PKP4: variants seen among roughly 807,000 people sequenced by gnomAD.
PKP4 encodes plakophilin 4.
In PKP4, 90 loss-of-function variants were observed where a neutral mutation model predicts 145.1. That is an observed-to-expected ratio of 0.62 (90% CI 0.52 to 0.74). The LOEUF (loss-of-function observed/expected upper bound fraction) is 0.74, where lower values mean the gene tolerates loss of function less well. Ranked by LOEUF, PKP4 falls within the 30% of genes least tolerant of loss-of-function variation. The pLI is 0.00. For missense variants in PKP4, 1,340 were observed against 1,482.7 expected, an observed-to-expected ratio of 0.90 and a Z score of 1.58; for synonymous variants, 563 against 577.2, an observed-to-expected ratio of 0.98 and a Z score of 0.35.
chr2:158,501,432 A>G (rs1180318060), intron 1 of PKP4, among the ~76,000 whole-genome samples: 1 of 152,202 alleles, frequency 6.6e-6, no homozygotes, highest in Non-Finnish European at 1.5e-5. Flanking sequence ...CAGATGCCAC[A>G]TTACTCAAAG....
chr2:158,475,256 G>C (rs1348768248), intron 1 of PKP4, among the ~76,000 whole-genome samples: 1 of 152,048 alleles, frequency 6.6e-6, no homozygotes, highest in Non-Finnish European at 1.5e-5. Flanking sequence ...CTTTTTATTA[G>C]AGTTTTATTA....
At chr2:158,594,232 G>A (rs918495381) in intron 3 of PKP4, among the ~76,000 whole-genome samples, 19 of 152,080 alleles carry the variant, frequency 1.2e-4, no homozygotes, top group African/African-American at 4.3e-4. Flanking sequence ...GTTGCTGATG[G>A]GTCAGGAACA....
chr2:158,652,798 TGTTAGCCACTGGTCATGACAC>T (rs1368797779), intron 11 of PKP4, among the ~76,000 whole-genome samples: 1 of 152,194 alleles, frequency 6.6e-6, no homozygotes, highest in Non-Finnish European at 1.5e-5. Context: ...TGCACAGTCC[TGTTAGCCACTGGTCATGACAC>T]TTGCTTTGTA....
chr2:158,532,915 T>C (rs1165319194), intron 1 of PKP4, among the ~76,000 whole-genome samples: 1 of 152,236 alleles, frequency 6.6e-6, no homozygotes, highest in Non-Finnish European at 1.5e-5. Flanking sequence ...TCATGTCAGT[T>C]AACATTTGTA....
At position 158,631,745 on chromosome 2, in the gene PKP4, G is replaced by T. The variant is rs764969406; in HGVS notation, c.1154-8G>T. The T allele has an allele frequency of 7.4e-6, 12 of 1,611,778 alleles. No homozygotes were observed. The South Asian group carries it at 1.3e-4, about 18-fold the overall frequency. ...CAGTTCTTAACGATGTAATTTTTGT[G>T]CCTCTAGGCTTACGGAGTTCCTATG... On this transcript the variant is annotated splice_polypyrimidine_tract_variant and splice_region_variant and intron_variant, in intron 7 of 21. Transcript: ENST00000389759.
In PKP4 at chr2:158,621,108, C is replaced by T; in HGVS notation, c.399C>T (p.Leu133=). 6.2e-7 allele frequency: 1 copy of T among 1,614,162 alleles called. No homozygotes were observed. Among genetic ancestry groups the T allele is most frequent in the Non-Finnish European group, 8.5e-7 (1 of 1,180,016 alleles). ...TCTATTCACCAGAACAGACATCTCTCCATGAAAGTGAGGGTCTGTTGTGTT... is the reference window on the plus strand; with the variant it reads ...TCTATTCACCAGAACAGACATCTCTTCATGAAAGTGAGGGTCTGTTGTGTT... The part of the protein sequence containing the change: ...GTLYSPEQTS[L]HESEGSLGNS... The change falls in exon 5 of 22, where the codon CTC becomes CTT. Residue 133 remains leucine, a synonymous_variant. Coordinates refer to ENST00000389759, the MANE Select transcript of PKP4 (RefSeq NM_003628.6).
At chr2:158,659,015 A>G in intron 12 of PKP4, 1 of 152,292 alleles carries the variant, frequency 6.6e-6, no homozygotes, top group Non-Finnish European at 1.5e-5. Context: ...AATAGGGATG[A>G]TAATACCACC....
intron 17 of PKP4, among the ~76,000 whole-genome samples, chr2:158,671,021 C>G (rs1313746501): frequency 6.6e-6 from 1 of 152,146 alleles, no homozygotes; most frequent in Non-Finnish European, 1.5e-5. Context: ...CTGCTTTGCT[C>G]TCTCCATAGC....
At chr2:158,515,236 A>C (rs2041838583) in intron 1 of PKP4, among the ~76,000 whole-genome samples, 1 of 152,192 alleles carries the variant, frequency 6.6e-6, no homozygotes, top group Non-Finnish European at 1.5e-5. Flanking sequence ...AATAAGCATG[A>C]AAAAACAGCT....
In PKP4 at chr2:158,642,717, T is replaced by C. The variant is rs1184968253; in HGVS notation, c.1909+18T>C. On this transcript the variant is annotated intron_variant, in intron 11 of 21. Transcript: ENST00000389759. ...TGTTACAGGTAGGTATAGAATGTGA[T>C]CTCGTCCTAGAGGAAATGTTGAAAA... The C allele has an allele frequency of 6.5e-7, 1 of 1,547,934 alleles. No individual in the cohort carries two copies. The highest frequency in any genetic ancestry group is 8.8e-7 in the Non-Finnish European group (1 of 1,134,884).
intron 16 of PKP4, among the ~76,000 whole-genome samples, chr2:158,668,409 A>G (rs936243991): frequency 6.6e-6 from 1 of 152,142 alleles, no homozygotes; most frequent in African/African-American, 2.4e-5. Flanking sequence ...ATTTTTCACA[A>G]AGAAGCAAAG....
At chr2:158,507,610 C>G (rs1298586573) in intron 1 of PKP4, among the ~76,000 whole-genome samples, 1 of 152,128 alleles carries the variant, frequency 6.6e-6, no homozygotes, top group East Asian at 1.9e-4. Context: ...GGACTCTTGA[C>G]TTCTTGGTTT....
chr2:158,577,612 T>C, intron 3 of PKP4, among the ~76,000 whole-genome samples: 1 of 152,242 alleles, frequency 6.6e-6, no homozygotes, highest in East Asian at 1.9e-4. Flanking sequence ...CAAAAGCTAC[T>C]GTGCTGCCTT....
chr2:158,624,120 T>G (rs988650400), intron 6 of PKP4, among the ~76,000 whole-genome samples: 2 of 152,222 alleles, frequency 1.3e-5, no homozygotes, highest in African/African-American at 4.8e-5. Context: ...GGGGTGCCTT[T>G]TTTTTGCATC....
chr2:158,669,533 A>G (rs748575618), intron 16 of PKP4, 187 bp from the exon 17 acceptor site: 4 of 411,720 alleles, frequency 9.7e-6, no homozygotes, highest in Non-Finnish European at 1.7e-5. Flanking sequence ...CGTTGCAATA[A>G]ATGTTAGCTT....
chr2:158,509,861 C>T (rs1299957753), intron 1 of PKP4, among the ~76,000 whole-genome samples: 4 of 151,640 alleles, frequency 2.6e-5, no homozygotes, highest in Non-Finnish European at 5.9e-5. Flanking sequence ...GGAGGAGAAT[C>T]GCTTGAACCC....
At chr2:158,571,351 T>A (rs2105766618) in intron 2 of PKP4, among the ~76,000 whole-genome samples, 1 of 152,324 alleles carries the variant, frequency 6.6e-6, no homozygotes, top group Middle Eastern at 3.4e-3. Context: ...GTAAGGGGGC[T>A]ATGGTTGCGG....
chr2:158,622,030 G>A lies in PKP4; in HGVS notation c.603+609G>A, dbSNP rs10192695. Among the ~76,000 whole-genome samples, 1,181 of 152,200 alleles carry A rather than the reference G, an allele frequency of 7.8e-3. 14 individuals carry two copies. Among genetic ancestry groups the A allele is most frequent in the African/African-American group, 0.027 (1,107 of 41,520 alleles). On this transcript the variant is annotated intron_variant, in intron 6 of 21. Coordinates refer to ENST00000389759, the MANE Select transcript of PKP4 (RefSeq NM_003628.6). ...TAAGGGGAATGTAAGAGAGTTGAAT[G>A]GAATGTTTTGGTCCCTGAGGGGTTA...
At chr2:158,592,518 T>C (rs1229584244) in intron 3 of PKP4, among the ~76,000 whole-genome samples, 1 of 152,108 alleles carries the variant, frequency 6.6e-6, no homozygotes, top group Non-Finnish European at 1.5e-5. Flanking sequence ...CCTTTCTTTT[T>C]CAAAAAGCAA....
Sources: allele counts gnomAD v4.1 joint callset (sites outside exome capture counted in the v4.1 genomes callset), GRCh38; gene constraint gnomAD v4.1.1; transcripts MANE v1.5; gene names NCBI Gene and HGNC (gene_info 2026-07-23, HGNC 2026-07-21).